Variants in BEST3 observed in about 807,000 individuals in gnomAD.
BEST3 encodes the protein bestrophin 3, also known as bestrophin-3.
In BEST3, 50 loss-of-function variants were observed where a neutral mutation model predicts 47.1. The ratio of observed to expected loss-of-function variants is 1.06; its 90% CI spans 0.85 to 1.34. The LOEUF (loss-of-function observed/expected upper bound fraction) is 1.34. Ranked by LOEUF, BEST3 falls within the 40% of genes most tolerant of loss-of-function variation. The pLI, the probability that BEST3 is intolerant of heterozygous loss-of-function variation, is 0.00. For missense variants in BEST3, 765 were observed against 817.0 expected (o/e 0.94, Z 0.78); for synonymous variants, 282 against 298.8 (o/e 0.94, Z 0.58).
intron 2 of BEST3, among the ~76,000 whole-genome samples, chr12:69,697,179 T>C (rs1231206906): frequency 6.6e-6 from 1 of 152,206 alleles, no homozygotes; most frequent in Non-Finnish European, 1.5e-5. Flanking sequence ...GGATAAGATA[T>C]TTTCATTCCA....
chr12:69,673,614 A>AT (rs1441485723), intron 7 of BEST3, among the ~76,000 whole-genome samples: 5 of 151,140 alleles, frequency 3.3e-5, no homozygotes, highest in African/African-American at 9.7e-5. Context: ...ATTTTTTTGG[A>AT]TTTTTTTTCA....
intron 9 of BEST3, among the ~76,000 whole-genome samples, chr12:69,658,413 C>T (rs181393159): frequency 1.3e-5 from 2 of 152,222 alleles, no homozygotes; most frequent in East Asian, 1.9e-4. Context: ...AACTGCAAAA[C>T]GTCTGGTGCT....
At chr12:69,650,398 A>T (rs11177769), downstream of BEST3, among the ~76,000 whole-genome samples, 1 of 152,090 alleles carries the variant, frequency 6.6e-6, no homozygotes, top group Non-Finnish European at 1.5e-5. Context: ...ACAAAAAAGC[A>T]TGCAAAAGTA....
At chr12:69,651,190 G>T (rs1387541906), downstream of BEST3, among the ~76,000 whole-genome samples, 13 of 152,194 alleles carry the variant, frequency 8.5e-5, no homozygotes, top group Admixed American at 8.5e-4. Flanking sequence ...TTTTTCTGAA[G>T]TTCATAGTGA....
chr12:69,697,076 T>C (rs1886157792), intron 2 of BEST3, among the ~76,000 whole-genome samples: 1 of 152,194 alleles, frequency 6.6e-6, no homozygotes, highest in South Asian at 2.1e-4. Flanking sequence ...GTGAACATAA[T>C]ATACCCTCAA....
intron 9 of BEST3, among the ~76,000 whole-genome samples, chr12:69,665,173 GC>G (rs938658310): frequency 5.4e-5 from 7 of 129,456 alleles, no homozygotes; most frequent in Non-Finnish European, 1.2e-4. Context: ...AGTCTTAATG[GC>G]TCTGTCCAAA....
intron 9 of BEST3, among the ~76,000 whole-genome samples, chr12:69,665,064 G>C (rs967661966): frequency 6.7e-6 from 1 of 150,256 alleles, no homozygotes; most frequent in African/African-American, 2.4e-5. Flanking sequence ...AGTCTTAATG[G>C]CTCTGTCCAA....
chr12:69,664,718 A>G (rs1474150085), intron 9 of BEST3, among the ~76,000 whole-genome samples: 2 of 148,362 alleles, frequency 1.3e-5, no homozygotes, highest in Non-Finnish European at 3.0e-5. Context: ...TATATATAAT[A>G]TAAAAAATCA....
At chr12:69,643,573 G>C (rs1882941127) in exon 10 of BEST3, 1 of 533,256 alleles carries the variant, frequency 1.9e-6, no homozygotes, top group Non-Finnish European at 3.4e-6. Context: ...GCATTTCTTA[G>C]GAACTCCACA....
chr12:69,668,976 G>C (rs1426630735), intron 9 of BEST3, among the ~76,000 whole-genome samples: 1 of 152,144 alleles, frequency 6.6e-6, no homozygotes. Context: ...CCAGTGGAGA[G>C]AAAAGCAGAC....
Position 69,694,558 on chromosome 12 carries a change from A to G in BEST3, c.153-94T>C, listed in dbSNP as rs186604652. The G allele has an allele frequency of 7.8e-4, 427 of 549,780 alleles. 4 individuals are homozygous for G. Among genetic ancestry groups the G allele is most frequent in the African/African-American group, 7.6e-3 (384 of 50,810 alleles). The allele number at this position is 549,780 out of a possible 1,614,324, so 34.1% of individuals were successfully genotyped here. A position where few individuals can be genotyped will look rare whatever the true frequency, so the allele number is the denominator to read the frequency against. On this transcript the variant is annotated intron_variant, in intron 2 of 9. Transcript: ENST00000330891. ...TAAGTGCAAACAATTAAGCACAAAT[A>G]ATCTTTTATTTTTGAAGGATCAATA...
At chr12:69,670,913 C>T (rs1383593284) in intron 9 of BEST3, among the ~76,000 whole-genome samples, 2 of 152,172 alleles carry the variant, frequency 1.3e-5, no homozygotes, top group East Asian at 3.8e-4. Context: ...ACACACTTCT[C>T]CAATATCAAA....
At chr12:69,665,209 T>G (rs1410607992) in intron 9 of BEST3, among the ~76,000 whole-genome samples, 2 of 133,684 alleles carry the variant, frequency 1.5e-5, no homozygotes, top group Non-Finnish European at 3.2e-5. Flanking sequence ...AGCAGCAAAG[T>G]GAAATTCAGT....
chr12:69,653,759 A>C lies in BEST3; in HGVS notation c.*1148T>G. The C allele has an allele frequency of 2.0e-6, 2 of 985,402 alleles. No individual in the cohort carries two copies. The highest frequency in any genetic ancestry group is 2.4e-6 in the Non-Finnish European group (2 of 829,934). The allele number at this position is 985,402 out of a possible 1,614,324, so 61.0% of individuals were successfully genotyped here. On this transcript the variant is annotated 3_prime_UTR_variant, in exon 10 of 10. Coordinates refer to ENST00000330891, the MANE Select transcript of BEST3 (RefSeq NM_032735.3). The stretch of plus-strand genomic sequence containing the variant: ...TGAGAGCTCCCTGGGAGGAGTACCA[A>C]CATCCGATCCCCATTATGCAGCTCT...
exon 10 of BEST3, chr12:69,643,750 T>C (rs1882947155): frequency 1.4e-6 from 1 of 716,162 alleles, no homozygotes; most frequent in African/African-American, 1.7e-5. Context: ...GGGATTTTTA[T>C]ATCTTCCATC....
intron 9 of BEST3, chr12:69,670,397 G>T: frequency 1.4e-6 from 1 of 699,112 alleles, no homozygotes; most frequent in South Asian, 1.5e-5. Flanking sequence ...CAAATCTCCT[G>T]GCTCCTAAAT....
chr12:69,651,064 T>C (rs915063107), downstream of BEST3, among the ~76,000 whole-genome samples: 1 of 152,080 alleles, frequency 6.6e-6, no homozygotes, highest in South Asian at 2.1e-4. Flanking sequence ...CTGGGCAACA[T>C]AGCAGGACTT....
chr12:69,697,215 T>A (rs1886163313), intron 2 of BEST3, among the ~76,000 whole-genome samples: 1 of 152,228 alleles, frequency 6.6e-6, no homozygotes, highest in Admixed American at 6.5e-5. Flanking sequence ...AGCTTTTCCC[T>A]GACATACACC....
At chr12:69,652,064 G>A (rs535001200), downstream of BEST3, among the ~76,000 whole-genome samples, 3 of 152,312 alleles carry the variant, frequency 2.0e-5, no homozygotes, top group Non-Finnish European at 2.9e-5. Context: ...TTTGCTGGGT[G>A]CCAGTCATTC....
Sources: gnomAD v4.1 joint callset for allele counts (sites outside exome capture counted in the v4.1 genomes callset) on GRCh38, gnomAD v4.1.1 for gene constraint, MANE v1.5 for transcripts, NCBI Gene and HGNC (gene_info 2026-07-23, HGNC 2026-07-21) for gene names.